Variants in CSMD1 observed in about 807,000 individuals in gnomAD.
CSMD1 encodes CUB and Sushi multiple domains 1.
In CSMD1, 213 loss-of-function variants were observed where a neutral mutation model predicts 417.5. That is an observed-to-expected ratio of 0.51 (90% CI 0.46 to 0.57). The LOEUF (loss-of-function observed/expected upper bound fraction) is 0.57, where lower values mean the gene tolerates loss of function less well. CSMD1 is among the 20% of genes least tolerant of loss of function. The pLI is 0.00. For missense variants in CSMD1, 6,923 were observed against 4,529.7 expected (o/e 1.53, Z -15.17); for synonymous variants, 2,862 against 1,736.8 (o/e 1.65, Z -16.11).
chr8:4,880,522 A>T (rs1367978949), intron 1 of CSMD1, among the ~76,000 whole-genome samples: 1 of 151,958 alleles, frequency 6.6e-6, no homozygotes, highest in Non-Finnish European at 1.5e-5. Context: ...CTCCCTTTAA[A>T]TGTCACCTTT....
rs376214281 is a variant in CSMD1 at position 3,485,538 on chromosome 8, C to CACACACACACAGAGAG, written c.1448+8084_1448+8085insCTCTCTGTGTGTGTGT. ...AACTTCATAACAATACACACACACA[C>CACACACACACAGAGAG]AGAGAGAGAGAGAGAGAGAGAGAGA... is the stretch of plus-strand genomic sequence containing the variant. On this transcript the variant is annotated intron_variant, in intron 11 of 69. Transcript: ENST00000635120. Among the ~76,000 whole-genome samples, 273 of 135,014 alleles carry CACACACACACAGAGAG rather than the reference C, an allele frequency of 2.0e-3. 1 individual carries two copies. The highest frequency in any genetic ancestry group is 2.8e-3 in the South Asian group (12 of 4,224). 88.6% of individuals were successfully genotyped at this position (135,014 alleles called of 152,430 possible).
intron 7 of CSMD1, among the ~76,000 whole-genome samples, chr8:3,670,501 C>CATAT (rs374623101): frequency 2.4e-5 from 3 of 125,164 alleles, no homozygotes; most frequent in Non-Finnish European, 1.8e-5. Context: ...ATATATATCC[C>CATAT]ATATATATAT....
chr8:4,118,008 G>C (rs756493494), intron 3 of CSMD1, among the ~76,000 whole-genome samples: 1 of 149,762 alleles, frequency 6.7e-6, no homozygotes, highest in Non-Finnish European at 1.5e-5. Flanking sequence ...AAATGACATA[G>C]GTAAAAAAAA....
intron 42 of CSMD1, 36 bp downstream of exon 42, chr8:3,118,363 A>G: frequency 1.4e-6 from 2 of 1,474,068 alleles, no homozygotes; most frequent in Non-Finnish European, 1.9e-6. Flanking sequence ...TGCCCATGAA[A>G]CATTAAATCG....
intron 5 of CSMD1, among the ~76,000 whole-genome samples, chr8:3,937,437 C>G (rs1359487979): frequency 6.6e-6 from 1 of 152,072 alleles, no homozygotes; most frequent in African/African-American, 2.4e-5. Context: ...CAACTACCAC[C>G]CTGATCACTG....
chr8:4,256,384 C>A (rs1407199263), intron 3 of CSMD1, among the ~76,000 whole-genome samples: 1 of 152,160 alleles, frequency 6.6e-6, no homozygotes, highest in African/African-American at 2.4e-5. Flanking sequence ...CTGATTACTA[C>A]ACCCCTCTGA....
intron 5 of CSMD1, among the ~76,000 whole-genome samples, chr8:3,834,293 A>G (rs1440843060): frequency 6.6e-6 from 1 of 152,038 alleles, no homozygotes; most frequent in African/African-American, 2.4e-5. Flanking sequence ...CTGACATTCC[A>G]TGACTTCCCT....
intron 5 of CSMD1, among the ~76,000 whole-genome samples, chr8:3,945,439 G>A (rs2129810967): frequency 6.6e-6 from 1 of 152,086 alleles, no homozygotes; most frequent in African/African-American, 2.4e-5. Flanking sequence ...AACTTCAATA[G>A]TCTAACTGCT....
At chr8:4,570,386 G>C (rs1167628952) in intron 2 of CSMD1, among the ~76,000 whole-genome samples, 1 of 152,060 alleles carries the variant, frequency 6.6e-6, no homozygotes, top group South Asian at 2.1e-4. Context: ...GCATCTATCG[G>C]GATAATCATG....
intron 3 of CSMD1, among the ~76,000 whole-genome samples, chr8:4,150,534 A>T (rs922757059): frequency 6.6e-6 from 1 of 152,204 alleles, no homozygotes; most frequent in African/African-American, 2.4e-5. Context: ...CTGTTCTTCC[A>T]AGTGTAATGA....
Position 4,198,103 on chromosome 8 carries a change from G to C in CSMD1, c.416-166004C>G, listed in dbSNP as rs548571991. 7.9e-5 allele frequency among the ~76,000 whole-genome samples: 12 copies of C among 152,338 alleles called. No homozygotes were observed. The South Asian group carries it at 2.3e-3, about 29-fold the overall frequency. ...AGGGAAGTCTGGGAGTCTGAGTTAA[G>C]GTAAGTTTTACGGGAGAAGGTTCTT... On this transcript the variant is annotated intron_variant, in intron 3 of 69. Transcript: ENST00000635120.
intron 3 of CSMD1, among the ~76,000 whole-genome samples, chr8:4,406,638 A>T (rs1396450555): frequency 6.6e-6 from 1 of 152,186 alleles, no homozygotes; most frequent in Non-Finnish European, 1.5e-5. Flanking sequence ...CTGGCCACAC[A>T]ACAGGAAGCA....
intron 1 of CSMD1, among the ~76,000 whole-genome samples, chr8:4,793,697 G>C (rs1425350859): frequency 2.0e-5 from 3 of 152,076 alleles, no homozygotes; most frequent in African/African-American, 7.2e-5. Context: ...TACATGGAGA[G>C]GTTGGAGGCC....
intron 26 of CSMD1, among the ~76,000 whole-genome samples, chr8:3,250,508 G>T (rs935897940): frequency 1.3e-5 from 2 of 152,104 alleles, no homozygotes; most frequent in East Asian, 1.9e-4. Flanking sequence ...GAATAGTGCC[G>T]CAATAAACAT....
intron 5 of CSMD1, among the ~76,000 whole-genome samples, chr8:3,762,062 GA>G (rs1188158125): frequency 1.3e-5 from 2 of 151,964 alleles, no homozygotes; most frequent in Non-Finnish European, 2.9e-5. Context: ...TTTTTTAAAT[GA>G]AAAAATAATT....
intron 4 of CSMD1, among the ~76,000 whole-genome samples, chr8:4,006,897 G>A (rs1816163665): frequency 7.6e-6 from 1 of 131,040 alleles, no homozygotes; most frequent in Non-Finnish European, 1.5e-5. Flanking sequence ...GCGTGATCTC[G>A]GCTCACTGCA....
intron 7 of CSMD1, among the ~76,000 whole-genome samples, chr8:3,623,399 T>A (rs547731377): frequency 6.6e-6 from 1 of 152,232 alleles, no homozygotes; most frequent in East Asian, 1.9e-4. Flanking sequence ...CCATCATGAA[T>A]AAAGCAAGTG....
chr8:4,902,267 C>T (rs1418726317), intron 1 of CSMD1, among the ~76,000 whole-genome samples: 2 of 142,658 alleles, frequency 1.4e-5, no homozygotes, highest in African/African-American at 2.6e-5. Flanking sequence ...ACATCTCGCT[C>T]TATCTATTAA....
chr8:3,327,382 C>G (rs916087920), intron 23 of CSMD1, among the ~76,000 whole-genome samples: 6 of 152,254 alleles, frequency 3.9e-5, no homozygotes, highest in Admixed American at 1.3e-4. Context: ...ATCTGCCCAC[C>G]TCGGCCTCCC....
Sources: gnomAD v4.1 joint callset for allele counts (sites outside exome capture counted in the v4.1 genomes callset) on GRCh38, gnomAD v4.1.1 for gene constraint, MANE v1.5 for transcripts, NCBI Gene and HGNC (gene_info 2026-07-23, HGNC 2026-07-21) for gene names.